The following RARB variants were observed in gnomAD, a reference collection of about 807,000 sequenced individuals.
RARB encodes the protein retinoic acid receptor beta.
RARB carries 17 observed loss-of-function variants against 51.9 expected under a neutral mutation model. The ratio of observed to expected loss-of-function variants is 0.33; its 90% CI spans 0.22 to 0.49. The LOEUF (loss-of-function observed/expected upper bound fraction) is 0.49. Ranked by LOEUF, RARB falls within the 20% of genes least tolerant of loss-of-function variation. The pLI is 0.99. For missense variants in RARB, 369 were observed against 550.8 expected (o/e 0.67, Z 3.30); for synonymous variants, 215 against 195.4 (o/e 1.10, Z -0.84).
At chr3:25,262,784 TA>T (rs1215265928) in intron 5 of RARB, among the ~76,000 whole-genome samples, 1 of 152,212 alleles carries the variant, frequency 6.6e-6, no homozygotes, top group African/African-American at 2.4e-5. Context: ...AGCATGTTTA[TA>T]GTTTTTAGGA....
chr3:25,480,289 T>C (rs1696162512), intron 2 of RARB, among the ~76,000 whole-genome samples: 1 of 152,238 alleles, frequency 6.6e-6, no homozygotes, highest in Non-Finnish European at 1.5e-5. Flanking sequence ...AGCACGTATC[T>C]AGAATTTGCT....
At chr3:24,945,731 C>A (rs1456567466) in intron 2 of RARB, among the ~76,000 whole-genome samples, 2 of 152,240 alleles carry the variant, frequency 1.3e-5, no homozygotes, top group Non-Finnish European at 2.9e-5. Context: ...CAACAGAGAG[C>A]AAACCTGAAA....
At chr3:25,489,533 C>CA in intron 2 of RARB, among the ~76,000 whole-genome samples, 1 of 152,104 alleles carries the variant, frequency 6.6e-6, no homozygotes, top group South Asian at 2.1e-4. Context: ...TACTCCATCA[C>CA]AAAAAAAGAT....
intron 5 of RARB, among the ~76,000 whole-genome samples, chr3:25,280,613 C>A (rs1322542483): frequency 6.6e-6 from 1 of 152,178 alleles, no homozygotes; most frequent in African/African-American, 2.4e-5. Context: ...CACCCACCCC[C>A]ACAAAGATGG....
intron 2 of RARB, among the ~76,000 whole-genome samples, chr3:24,951,161 A>T (rs922153610): frequency 4.0e-5 from 6 of 151,804 alleles, no homozygotes; most frequent in African/African-American, 1.5e-4. Flanking sequence ...TTATGTGCAC[A>T]CTCTTACCAC....
chr3:25,366,156 C>T (rs562196962), intron 5 of RARB, among the ~76,000 whole-genome samples: 2 of 152,296 alleles, frequency 1.3e-5, no homozygotes, highest in East Asian at 3.9e-4. Flanking sequence ...CATCCATTTT[C>T]TTCAGTACCT....
At chr3:25,162,615 A>G (rs1700491046) in intron 4 of RARB, among the ~76,000 whole-genome samples, 1 of 152,166 alleles carries the variant, frequency 6.6e-6, no homozygotes, top group Non-Finnish European at 1.5e-5. Context: ...ACAACTACTA[A>G]TCTACTTTCT....
At chr3:25,475,284 A>G (rs200045812) in intron 2 of RARB, among the ~76,000 whole-genome samples, 3 of 152,086 alleles carry the variant, frequency 2.0e-5, no homozygotes, top group East Asian at 1.9e-4. Flanking sequence ...TCTGTTCTCC[A>G]CTACGTACAC....
At chr3:25,454,359 A>C (rs1378883647) in intron 1 of RARB, among the ~76,000 whole-genome samples, 1 of 152,270 alleles carries the variant, frequency 6.6e-6, no homozygotes, top group Non-Finnish European at 1.5e-5. Context: ...ACACAAATGA[A>C]GTCCAAACGA....
At chr3:24,837,512 G>A (rs1369950076) in intron 1 of RARB, among the ~76,000 whole-genome samples, 1 of 152,200 alleles carries the variant, frequency 6.6e-6, no homozygotes, top group Non-Finnish European at 1.5e-5. Context: ...AAAACTTAGA[G>A]TAGATAGCTT....
At chr3:25,002,996 TA>T (rs1340473834) in intron 2 of RARB, among the ~76,000 whole-genome samples, 1 of 152,126 alleles carries the variant, frequency 6.6e-6, no homozygotes, top group Non-Finnish European at 1.5e-5. Flanking sequence ...ATTGGCCATG[TA>T]AAATTATTTG....
intron 5 of RARB, among the ~76,000 whole-genome samples, chr3:25,372,214 G>C (rs1706321909): frequency 6.6e-6 from 1 of 152,168 alleles, no homozygotes; most frequent in Non-Finnish European, 1.5e-5. Context: ...TTTCAGCCTT[G>C]GCACTATTGG....
At chr3:25,013,093 G>A (rs974502801) in intron 2 of RARB, among the ~76,000 whole-genome samples, 2 of 152,084 alleles carry the variant, frequency 1.3e-5, no homozygotes, top group Non-Finnish European at 2.9e-5. Context: ...CAACCTGATT[G>A]GTTCTGCTCA....
In RARB at chr3:25,461,356, T is replaced by C; in HGVS notation, c.306+15T>C. On this transcript the variant is annotated intron_variant, in intron 2 of 7. Transcript: ENST00000330688. ...AGGGATGTAAGGTGAGTATTCACAC[T>C]TCTGTGCCTGATGAACTCTCATTCT... The C allele has an allele frequency of 6.2e-7, 1 of 1,611,270 alleles. No individual in the cohort carries two copies. The highest frequency in any genetic ancestry group is 8.5e-7 in the Non-Finnish European group (1 of 1,178,914).
At chr3:25,432,225 T>A (rs1256215424) in intron 1 of RARB, among the ~76,000 whole-genome samples, 3 of 152,134 alleles carry the variant, frequency 2.0e-5, no homozygotes, top group Non-Finnish European at 1.5e-5. Context: ...GAAATCATAT[T>A]GTGAATATTG....
At chr3:25,531,711 A>T (rs1243179878) in intron 3 of RARB, among the ~76,000 whole-genome samples, 2 of 140,596 alleles carry the variant, frequency 1.4e-5, no homozygotes, top group Non-Finnish European at 3.0e-5. Context: ...CAAGAAAAAG[A>T]TATAGACACT....
intron 4 of RARB, among the ~76,000 whole-genome samples, chr3:25,163,874 G>T (rs1008775531): frequency 5.3e-5 from 8 of 152,168 alleles, no homozygotes; most frequent in African/African-American, 1.9e-4. Flanking sequence ...AATGAAAAGA[G>T]CATGGAATAG....
chr3:25,136,310 A>T (rs1559479439), intron 4 of RARB, among the ~76,000 whole-genome samples: 1 of 152,000 alleles, frequency 6.6e-6, no homozygotes, highest in Non-Finnish European at 1.5e-5. Context: ...ACACATATGG[A>T]TAAGCCATTT....
intron 5 of RARB, among the ~76,000 whole-genome samples, chr3:25,356,849 C>A (rs911393986): frequency 8.5e-5 from 13 of 152,066 alleles, no homozygotes; most frequent in African/African-American, 3.1e-4. Flanking sequence ...TGAACTCATT[C>A]TTTTTTATGG....
Sources: allele counts gnomAD v4.1 joint callset (sites outside exome capture counted in the v4.1 genomes callset), GRCh38; gene constraint gnomAD v4.1.1; transcripts MANE v1.5; gene names NCBI Gene and HGNC (gene_info 2026-07-23, HGNC 2026-07-21).